Variants in MYCBP2 observed in about 807,000 individuals in gnomAD.
The protein encoded by MYCBP2 is E3 ubiquitin-protein ligase MYCBP2.
Under a neutral mutation model 525.3 loss-of-function variants are expected in MYCBP2, and 120 were observed. The ratio of observed to expected loss-of-function variants is 0.23; its 90% CI spans 0.20 to 0.27. The LOEUF (loss-of-function observed/expected upper bound fraction) is 0.27. Ranked by LOEUF, MYCBP2 falls within the 10% of genes least tolerant of loss-of-function variation. The probability of loss-of-function intolerance (pLI) is 1.00; values close to 1 mark genes in which losing one functional copy is unlikely to be tolerated. For missense variants in MYCBP2, 4,149 were observed against 5,657.1 expected (o/e 0.73, Z 8.55); for synonymous variants, 1,894 against 1,955.8 (o/e 0.97, Z 0.83).
intron 2 of MYCBP2, among the ~76,000 whole-genome samples, chr13:77,294,883 C>T (rs2078008613): frequency 6.6e-6 from 1 of 152,216 alleles, no homozygotes; most frequent in Admixed American, 6.5e-5. Flanking sequence ...TGCTCACCCA[C>T]TGCCCATCTC....
Position 77,205,303 on chromosome 13 carries a change from C to A in MYCBP2, c.3796G>T (p.Gly1266Cys). ...CCTCTACCTCCAAACAGACCAAGACCACCAAGTAAAATATCAGTGTCGGCA... is the reference window on the plus strand; with the variant it reads ...CCTCTACCTCCAAACAGACCAAGACAACCAAGTAAAATATCAGTGTCGGCA... ...FSADTDILLG[G>C]LGLFGGRGEY... The change falls in exon 26 of 83, where the codon GGT becomes TGT. Residue 1266 changes from glycine (G) to cysteine (C), a missense_variant. Around this residue, in one of 21 missense-constraint regions of MYCBP2, gnomAD observed 620 missense variants for 795.5 expected, o/e 0.78. Coordinates refer to ENST00000544440, the MANE Select transcript of MYCBP2 (RefSeq NM_015057.5). 2 of 1,613,626 alleles carry A rather than the reference C, an allele frequency of 1.2e-6. No homozygotes were observed. The highest frequency in any genetic ancestry group is 1.7e-6 in the Non-Finnish European group (2 of 1,179,744).
rs71704593 is a variant in MYCBP2 at position 77,227,481 on chromosome 13, T to TACACACACAC, written c.2738-1937_2738-1928dup. Among the ~76,000 whole-genome samples, 474 of 145,278 alleles carry TACACACACAC rather than the reference T, an allele frequency of 3.3e-3. 2 individuals carry two copies. Among genetic ancestry groups the TACACACACAC allele is most frequent in the Non-Finnish European group, 5.2e-3 (343 of 65,838 alleles). ...AAAAGCCTACACACACACACACACA[T>TACACACACAC]ACACACACACACACACACACACACA... On this transcript the variant is annotated intron_variant, in intron 18 of 82. Transcript: ENST00000544440.
At chr13:77,257,883 A>C in intron 13 of MYCBP2, 54 bp from the exon 14 acceptor site, 1 of 1,469,176 alleles carries the variant, frequency 6.8e-7, no homozygotes, top group Non-Finnish European at 9.1e-7. Flanking sequence ...TTCTGAGCCT[A>C]GTAAAAGAAC....
At chr13:77,227,584 C>G (rs2066478962) in intron 18 of MYCBP2, among the ~76,000 whole-genome samples, 1 of 151,866 alleles carries the variant, frequency 6.6e-6, no homozygotes, top group African/African-American at 2.4e-5. Context: ...GGCTTTATCT[C>G]AATTGGTAAA....
intron 26 of MYCBP2, among the ~76,000 whole-genome samples, chr13:77,200,370 C>T (rs1566901866): frequency 6.6e-6 from 1 of 152,234 alleles, no homozygotes; most frequent in East Asian, 1.9e-4. Flanking sequence ...CGAACAAAGC[C>T]TCCAAGAAAT....
intron 79 of MYCBP2, among the ~76,000 whole-genome samples, chr13:77,056,099 GGTGTGTGTGTGTGTGTGTGTGT>G (rs56952443): frequency 0.022 from 2,672 of 120,588 alleles, 46 homozygotes; most frequent in Middle Eastern, 0.089. Context: ...CTCTGTGTTT[GGTGTGTGTGTGTGTGTGTGTGT>G]GTGTGTGTGT....
At chr13:77,278,549 T>C (rs2075863898) in intron 4 of MYCBP2, among the ~76,000 whole-genome samples, 1 of 152,182 alleles carries the variant, frequency 6.6e-6, no homozygotes, top group African/African-American at 2.4e-5. Flanking sequence ...AAATTGACAA[T>C]TTATAATTAT....
At position 77,326,241 on chromosome 13, in the gene MYCBP2, A is replaced by G. The variant is rs966548595; in HGVS notation, c.302+233T>C. On this transcript the variant is annotated intron_variant, in intron 1 of 82. Transcript: ENST00000544440. The surrounding 1 kb of genome is among the most constrained non-coding windows in gnomAD (Gnocchi z 4.2). ...ACTATCCCCCCACATAGGCAGGCAG[A>G]CACACACACACACACACACACACAC... 4.6e-5 allele frequency among the ~76,000 whole-genome samples: 1 copy of G among 21,746 alleles called. No homozygotes were observed. The highest frequency in any genetic ancestry group is 6.4e-4 in the African/African-American group (1 of 1,554). 14.3% of individuals were successfully genotyped at this position (21,746 alleles called of 152,430 possible).
In MYCBP2 at chr13:77,076,866, T is replaced by A; in HGVS notation, c.11725-17A>T. The A allele has an allele frequency of 1.3e-6, 2 of 1,561,208 alleles. No homozygotes were observed. ...TCCAAATACCTGATGAAGATATGCATGTGAGAAGGAATTAATGACAGGCAT... is the reference window on the plus strand; with the variant it reads ...TCCAAATACCTGATGAAGATATGCAAGTGAGAAGGAATTAATGACAGGCAT... On this transcript the variant is annotated splice_polypyrimidine_tract_variant and intron_variant, in intron 67 of 82. Coordinates refer to ENST00000544440, the MANE Select transcript of MYCBP2 (RefSeq NM_015057.5).
intron 38 of MYCBP2, 32 bp from the exon 39 acceptor site, chr13:77,169,746 T>C (rs2058953016): frequency 1.9e-6 from 3 of 1,538,812 alleles, no homozygotes; most frequent in Admixed American, 1.7e-5. Flanking sequence ...ATTAAAACTA[T>C]AGTCAGAAGG....
intron 17 of MYCBP2, among the ~76,000 whole-genome samples, chr13:77,241,629 T>C (rs1237579743): frequency 1.3e-5 from 2 of 152,200 alleles, no homozygotes; most frequent in African/African-American, 4.8e-5. Context: ...ACAGTATCTA[T>C]ATTAATCTCA....
intron 68 of MYCBP2, among the ~76,000 whole-genome samples, chr13:77,074,305 G>A (rs1345071913): frequency 1.3e-5 from 2 of 151,908 alleles, no homozygotes; most frequent in African/African-American, 4.8e-5. Flanking sequence ...TTCTTACACT[G>A]CACATAAAAA....
At chr13:77,301,876 T>C (rs557297614) in intron 1 of MYCBP2, among the ~76,000 whole-genome samples, 1 of 152,122 alleles carries the variant, frequency 6.6e-6, no homozygotes, top group Non-Finnish European at 1.5e-5. Flanking sequence ...AAGTGGACAT[T>C]CTGAAACTGA....
intron 44 of MYCBP2, among the ~76,000 whole-genome samples, chr13:77,158,657 A>T (rs1422176030): frequency 6.6e-6 from 1 of 152,110 alleles, no homozygotes; most frequent in African/African-American, 2.4e-5. Context: ...TATGTTGCCC[A>T]GGCTGGTCTT....
chr13:77,148,121 CTT>C (rs927505829), intron 47 of MYCBP2, among the ~76,000 whole-genome samples: 1 of 144,892 alleles, frequency 6.9e-6, no homozygotes, highest in Non-Finnish European at 1.5e-5. Context: ...TTTAGCCTTG[CTT>C]TTTTTTTTAA....
chr13:77,268,694 G>A (rs151040580), intron 7 of MYCBP2, among the ~76,000 whole-genome samples: 2,016 of 151,808 alleles, frequency 0.013, 45 homozygotes, highest in African/African-American at 0.045. Flanking sequence ...CAAGAGAATC[G>A]CCTGAACCTG....
At chr13:77,201,887 CA>C (rs2062630306) in intron 26 of MYCBP2, among the ~76,000 whole-genome samples, 1 of 151,988 alleles carries the variant, frequency 6.6e-6, no homozygotes, top group Admixed American at 6.6e-5. Context: ...GGGACACATT[CA>C]AAGCAGTGTG....
Position 77,092,776 on chromosome 13 carries a change from C to T in MYCBP2, c.10367+389G>A, listed in dbSNP as rs180729841. On this transcript the variant is annotated intron_variant, in intron 59 of 82. Coordinates refer to ENST00000544440, the MANE Select transcript of MYCBP2 (RefSeq NM_015057.5). ...TGTAACAAGTTTCTATTCAGCTTTCCGAGAAGCTCTTTACTCTGATACTAC... is the reference window on the plus strand; with the variant it reads ...TGTAACAAGTTTCTATTCAGCTTTCTGAGAAGCTCTTTACTCTGATACTAC... Among the ~76,000 whole-genome samples the T allele has an allele frequency of 3.7e-4, 56 of 152,118 alleles. No individual in the cohort carries two copies. The East Asian group carries it at 9.7e-3, about 26-fold the overall frequency.
In MYCBP2 at chr13:77,050,983, T is replaced by C. The variant is rs552605459; in HGVS notation, c.13921+14A>G. On this transcript the variant is annotated intron_variant, in intron 82 of 82. Transcript: ENST00000544440. ...ATAGATCATAATCGTGATTTTAAAA[T>C]ATTAAAAGCATACCTGCAGGACAGT... 6 of 1,589,384 alleles carry C rather than the reference T, an allele frequency of 3.8e-6. No homozygotes were observed. Among genetic ancestry groups the C allele is most frequent in the Admixed American group, 3.8e-5 (2 of 53,200 alleles).
Sources: gnomAD v4.1 joint callset for allele counts (sites outside exome capture counted in the v4.1 genomes callset) on GRCh38, gnomAD v4.1.1 for gene constraint, gnomAD v4.1.1 regional missense constraint, Gnocchi (gnomAD v3.1) non-coding constraint, MANE v1.5 for transcripts, NCBI Gene and HGNC (gene_info 2026-07-23, HGNC 2026-07-21) for gene names.